The following EPM2A variants were observed in gnomAD, a reference collection of about 807,000 sequenced individuals.
EPM2A encodes EPM2A glucan phosphatase, laforin, also known as laforin.
Under a neutral mutation model 26.5 loss-of-function variants are expected in EPM2A, and 21 were observed. The observed-to-expected ratio is 0.79, with a 90% CI of 0.56 to 1.14. The LOEUF (loss-of-function observed/expected upper bound fraction) is 1.14. Ranked by LOEUF, EPM2A falls within the 50% of genes most tolerant of loss-of-function variation. The pLI is 0.00. For missense variants in EPM2A, 458 were observed against 440.8 expected (o/e 1.04, Z -0.35); for synonymous variants, 217 against 177.6 (o/e 1.22, Z -1.76).
chr6:145,674,773 T>C (rs1258780221), intron 2 of EPM2A, among the ~76,000 whole-genome samples: 1 of 151,594 alleles, frequency 6.6e-6, no homozygotes, highest in Non-Finnish European at 1.5e-5. Context: ...CTCCGAGAAA[T>C]ATGGCACTAT....
intron 4 of EPM2A, among the ~76,000 whole-genome samples, chr6:145,412,195 C>A (rs1168735598): frequency 7.3e-6 from 1 of 137,808 alleles, no homozygotes; most frequent in Non-Finnish European, 1.5e-5. Context: ...CTAGCCTGGG[C>A]GACACTGAGA....
In EPM2A at chr6:145,627,611, G is replaced by A. The variant is rs181746165; in HGVS notation, c.801C>T (p.Asn267=). 38 of 1,614,164 alleles carry A rather than the reference G, an allele frequency of 2.4e-5. No homozygotes were observed. Among genetic ancestry groups the A allele is most frequent in the South Asian group, 1.8e-4 (16 of 91,084 alleles). ...CCGCGGTGGAGCGGCCCACCCCAGC[G>A]TTGCAGTGCACGTACACGATGTGTC... ...EKGHIVYVHC[N]AGVGRSTAAV... is the part of the protein sequence containing the mutation. The change falls in exon 4 of 4, where the codon AAC becomes AAT. Residue 267 remains asparagine (N), a synonymous_variant. Transcript: ENST00000367519.
At chr6:145,669,420 A>T (rs1444103904) in intron 2 of EPM2A, among the ~76,000 whole-genome samples, 1 of 152,212 alleles carries the variant, frequency 6.6e-6, no homozygotes, top group Non-Finnish European at 1.5e-5. Context: ...GATCTAAGAA[A>T]CAAGTCATTT....
intron 2 of EPM2A, among the ~76,000 whole-genome samples, chr6:145,615,706 G>T (rs1223679073): frequency 2.0e-5 from 3 of 152,074 alleles, no homozygotes; most frequent in Non-Finnish European, 2.9e-5. Flanking sequence ...AGCTGAGGTG[G>T]TCTCACATGG....
At chr6:145,491,679 G>A (rs894651017) in intron 4 of EPM2A, 2 of 429,352 alleles carry the variant, frequency 4.7e-6, no homozygotes, top group Non-Finnish European at 9.4e-6. Context: ...CCAGACTTGA[G>A]TGTGGGACCC....
At chr6:145,564,132 T>C (rs1371888871) in intron 2 of EPM2A, among the ~76,000 whole-genome samples, 1 of 152,198 alleles carries the variant, frequency 6.6e-6, no homozygotes, top group Admixed American at 6.5e-5. Flanking sequence ...AAAATGTCTG[T>C]ACCTGTTTAG....
chr6:145,636,957 T>C (rs967805103), intron 2 of EPM2A: 4 of 151,568 alleles, frequency 2.6e-5, no homozygotes, highest in Admixed American at 2.6e-4. Flanking sequence ...AAAAAAGATT[T>C]CGTATAACAT....
chr6:145,489,671 C>G, intron 4 of EPM2A: 1 of 1,353,594 alleles, frequency 7.4e-7, no homozygotes, highest in Non-Finnish European at 1.1e-6. Flanking sequence ...TCATTCTCTG[C>G]CTTTTCAGCT....
intron 2 of EPM2A, among the ~76,000 whole-genome samples, chr6:145,610,098 C>A (rs760769333): frequency 3.9e-5 from 6 of 151,994 alleles, no homozygotes; most frequent in Admixed American, 3.9e-4. Context: ...GCCTGTAATC[C>A]CAGCTACTTA....
chr6:145,417,366 G>A (rs1172232864), intron 4 of EPM2A, among the ~76,000 whole-genome samples: 2 of 152,142 alleles, frequency 1.3e-5, no homozygotes, highest in African/African-American at 2.4e-5. Context: ...TCTCATAGAT[G>A]CCTTGACCCA....
intron 2 of EPM2A, among the ~76,000 whole-genome samples, chr6:145,649,312 A>T (rs1261437320): frequency 1.3e-5 from 2 of 152,212 alleles, no homozygotes; most frequent in Non-Finnish European, 2.9e-5. Context: ...ATCAACTATA[A>T]AATGGGATTA....
At chr6:145,423,424 A>C (rs1311683747) in intron 4 of EPM2A, among the ~76,000 whole-genome samples, 1 of 152,162 alleles carries the variant, frequency 6.6e-6, no homozygotes, top group African/African-American at 2.4e-5. Flanking sequence ...AGTTTACTAA[A>C]ATCAACCATG....
chr6:145,733,226 C>T (rs560131799), intron 1 of EPM2A, among the ~76,000 whole-genome samples: 17 of 152,052 alleles, frequency 1.1e-4, no homozygotes, highest in Admixed American at 2.6e-4. Flanking sequence ...AGTCAACAGT[C>T]AATTTTTAAT....
chr6:145,697,855 T>C (rs1781697568), intron 1 of EPM2A, among the ~76,000 whole-genome samples: 1 of 152,158 alleles, frequency 6.6e-6, no homozygotes, highest in Admixed American at 6.5e-5. Flanking sequence ...ACACACATGC[T>C]GTACAAACAA....
At chr6:145,726,838 A>G (rs1009986428) in intron 1 of EPM2A, among the ~76,000 whole-genome samples, 1 of 152,194 alleles carries the variant, frequency 6.6e-6, no homozygotes, top group African/African-American at 2.4e-5. Context: ...GAGAAAAAGT[A>G]TGTTAAGTAA....
Position 145,713,050 on chromosome 6 carries a change from T to A in EPM2A, c.301+22148A>T, listed in dbSNP as rs79197265. On this transcript the variant is annotated intron_variant, in intron 1 of 3. Coordinates refer to ENST00000367519, the MANE Select transcript of EPM2A (RefSeq NM_005670.4). ...ATGGAAGTTACATTGAGAAATAAAG[T>A]TTGTGTTTTTTATTTTTATCTTTTA... 4.1e-3 allele frequency among the ~76,000 whole-genome samples: 627 copies of A among 152,316 alleles called. 19 individuals carry two copies. The East Asian group carries it at 0.07, about 17-fold the overall frequency.
At chr6:145,512,032 G>A (rs1780061264) in intron 2 of EPM2A, among the ~76,000 whole-genome samples, 1 of 151,958 alleles carries the variant, frequency 6.6e-6, no homozygotes, top group Admixed American at 6.6e-5. Flanking sequence ...AAAGCGTTAA[G>A]TACAAAGGAA....
At position 145,556,433 on chromosome 6, in the gene EPM2A, T is replaced by A. The variant is rs969814613; in HGVS notation, c.341-53858A>T. 2.0e-5 allele frequency among the ~76,000 whole-genome samples: 3 copies of A among 152,164 alleles called. 1 individual carries two copies. Among genetic ancestry groups the A allele is most frequent in the African/African-American group, 7.2e-5 (3 of 41,450 alleles). On this transcript the variant is annotated intron_variant, in intron 2 of 3. Coordinates refer to the EPM2A transcript ENST00000450221. ...TTTCTGAGCTTAGAAGATAAACAGC[T>A]TGTCTAAATTCCCCTGCTGGCCTCA...
intron 4 of EPM2A, among the ~76,000 whole-genome samples, chr6:145,400,172 C>T (rs1288012551): frequency 3.3e-5 from 5 of 152,176 alleles, no homozygotes; most frequent in Non-Finnish European, 7.3e-5. Context: ...GTAGCCAGAT[C>T]ACCCAGACAA....
Sources: allele counts gnomAD v4.1 joint callset (sites outside exome capture counted in the v4.1 genomes callset), GRCh38; gene constraint gnomAD v4.1.1; transcripts MANE v1.5; gene names NCBI Gene and HGNC (gene_info 2026-07-23, HGNC 2026-07-21).